The following NELL2 variants were observed in gnomAD, a reference collection of about 807,000 sequenced individuals.
NELL2 encodes the protein neural EGFL like 2.
Under a neutral mutation model 109.6 loss-of-function variants are expected in NELL2, and 41 were observed. That is an observed-to-expected ratio of 0.37 (90% CI 0.29 to 0.49). The LOEUF (loss-of-function observed/expected upper bound fraction) is 0.49, where lower values mean the gene tolerates loss of function less well. Among genes scored for constraint, NELL2 ranks in the 20% least tolerant of loss-of-function variants. NELL2 has a pLI of 0.98. For synonymous variants in NELL2, 355 were observed against 344.7 expected (o/e 1.03, Z -0.33); for missense variants, 900 against 1,008.3 (o/e 0.89, Z 1.45).
intron 9 of NELL2, among the ~76,000 whole-genome samples, chr12:44,758,043 A>T (rs1940964909): frequency 8.1e-6 from 1 of 123,790 alleles, no homozygotes; most frequent in South Asian, 2.9e-4. Flanking sequence ...GATACAGGAG[A>T]TTACACACAC....
chr12:44,766,025 G>A (rs1941318523), intron 9 of NELL2, among the ~76,000 whole-genome samples: 1 of 151,744 alleles, frequency 6.6e-6, no homozygotes, highest in Admixed American at 6.6e-5. Flanking sequence ...GGTGGAGGCT[G>A]CAGTGAGTCA....
At chr12:44,740,684 T>A (rs985973307) in intron 9 of NELL2, among the ~76,000 whole-genome samples, 1 of 152,078 alleles carries the variant, frequency 6.6e-6, no homozygotes, top group Non-Finnish European at 1.5e-5. Flanking sequence ...GGGATGTTAG[T>A]TTGGGACTTT....
At chr12:44,748,751 G>T (rs1383810775) in intron 9 of NELL2, among the ~76,000 whole-genome samples, 1 of 152,076 alleles carries the variant, frequency 6.6e-6, no homozygotes, top group Non-Finnish European at 1.5e-5. Context: ...GCAATGAAAA[G>T]ATGTATCCAT....
chr12:44,636,168 C>T (rs970945831), intron 13 of NELL2, among the ~76,000 whole-genome samples: 1 of 152,144 alleles, frequency 6.6e-6, no homozygotes, highest in Non-Finnish European at 1.5e-5. Flanking sequence ...TGCTTATCAG[C>T]TTAAGGAGAT....
intron 19 of NELL2, among the ~76,000 whole-genome samples, chr12:44,512,215 C>T (rs1223724296): frequency 1.3e-5 from 2 of 152,048 alleles, no homozygotes; most frequent in Non-Finnish European, 2.9e-5. Flanking sequence ...ATGACCAACA[C>T]ATATATTAAA....
At chr12:44,604,206 G>A (rs527327152) in intron 15 of NELL2, among the ~76,000 whole-genome samples, 7 of 151,982 alleles carry the variant, frequency 4.6e-5, no homozygotes, top group South Asian at 2.1e-4. Context: ...AAGAGAAGGA[G>A]GGAGGAAGGC....
chr12:44,691,371 C>G (rs7978549), intron 12 of NELL2, among the ~76,000 whole-genome samples: 34,130 of 152,032 alleles, frequency 0.22, 4,539 homozygotes, highest in African/African-American at 0.38. Context: ...ACTAAGAACA[C>G]TGCCCATACA....
At chr12:44,910,197 C>T (rs894708402) in intron 1 of NELL2, among the ~76,000 whole-genome samples, 20 of 151,752 alleles carry the variant, frequency 1.3e-4, no homozygotes, top group Admixed American at 7.2e-4. Context: ...ACCTATAGAA[C>T]GGGAGAAAAT....
intron 15 of NELL2, among the ~76,000 whole-genome samples, chr12:44,564,992 C>T (rs1194269024): frequency 3.3e-5 from 5 of 152,104 alleles, no homozygotes; most frequent in South Asian, 2.1e-4. Flanking sequence ...AATCAGAATC[C>T]TCTGAGGATG....
At chr12:44,627,877 G>A (rs1004023866) in intron 13 of NELL2, among the ~76,000 whole-genome samples, 12 of 152,154 alleles carry the variant, frequency 7.9e-5, no homozygotes, top group African/African-American at 2.9e-4. Flanking sequence ...AGATGATTTT[G>A]ATTTTGCAAA....
chr12:44,750,353 A>T (rs1455118724), intron 9 of NELL2, among the ~76,000 whole-genome samples: 1 of 152,174 alleles, frequency 6.6e-6, no homozygotes, highest in African/African-American at 2.4e-5. Context: ...AATTATTTGG[A>T]GACTTTCAAA....
intron 15 of NELL2, among the ~76,000 whole-genome samples, chr12:44,544,604 T>G (rs1352889547): frequency 6.6e-6 from 1 of 152,148 alleles, no homozygotes; most frequent in Non-Finnish European, 1.5e-5. Flanking sequence ...TTCCAAATTC[T>G]TCTCTGTTGT....
chr12:44,791,183 C>T (rs1162727690), intron 3 of NELL2, among the ~76,000 whole-genome samples: 3 of 15,096 alleles, frequency 2.0e-4, no homozygotes, highest in African/African-American at 4.7e-4. Flanking sequence ...AGTATTCCAT[C>T]ATATATATAT....
intron 13 of NELL2, among the ~76,000 whole-genome samples, chr12:44,622,764 A>T (rs1946105431): frequency 6.6e-6 from 1 of 152,162 alleles, no homozygotes; most frequent in Non-Finnish European, 1.5e-5. Flanking sequence ...ACTATGGGGC[A>T]AAAGAAACCT....
chr12:44,590,586 C>T (rs1944708520), intron 15 of NELL2, among the ~76,000 whole-genome samples: 1 of 152,128 alleles, frequency 6.6e-6, no homozygotes, highest in African/African-American at 2.4e-5. Flanking sequence ...TCATAAAATA[C>T]TGGATTGGTT....
intron 2 of NELL2, 109 bp from the exon 3 acceptor site, chr12:44,816,245 G>C (rs1943346548): frequency 1.2e-6 from 1 of 863,614 alleles, no homozygotes; most frequent in Non-Finnish European, 1.7e-6. Context: ...AGTAGCAGCT[G>C]ATAAATACTG....
intron 12 of NELL2, among the ~76,000 whole-genome samples, chr12:44,683,073 TTTGTA>T (rs1948583672): frequency 6.6e-6 from 1 of 152,230 alleles, no homozygotes; most frequent in African/African-American, 2.4e-5. Context: ...CCTCCATTTG[TTTGTA>T]TCCTCTTTTA....
chr12:44,715,793 C>A (rs1490044622), intron 9 of NELL2, among the ~76,000 whole-genome samples: 1 of 152,066 alleles, frequency 6.6e-6, no homozygotes, highest in African/African-American at 2.4e-5. Context: ...TTTATTTTAA[C>A]TATACAAATT....
chr12:44,739,326 A>G (rs1025491611), intron 9 of NELL2, among the ~76,000 whole-genome samples: 7 of 152,196 alleles, frequency 4.6e-5, no homozygotes. Context: ...ATTACTATCT[A>G]TACATCTAAA....
Sources: gnomAD v4.1 joint callset for allele counts (sites outside exome capture counted in the v4.1 genomes callset) on GRCh38, gnomAD v4.1.1 for gene constraint, MANE v1.5 for transcripts, NCBI Gene and HGNC (gene_info 2026-07-23, HGNC 2026-07-21) for gene names.